The following TULP4 variants were observed in gnomAD, a reference collection of about 807,000 sequenced individuals.
TULP4 encodes TUB like protein 4, also known as tubby-related protein 4.
In TULP4, 16 loss-of-function variants were observed where a neutral mutation model predicts 129.0. The observed-to-expected ratio is 0.12, with a 90% CI of 0.08 to 0.19. TULP4 has a LOEUF of 0.19. TULP4 is among the 10% of genes least tolerant of loss of function. TULP4 has a pLI of 1.00. For synonymous variants in TULP4, 998 were observed against 854.0 expected, an observed-to-expected ratio of 1.17 and a Z score of -2.94; for missense variants, 1,842 against 2,059.1, an observed-to-expected ratio of 0.89 and a Z score of 2.04.
chr6:158,313,508 G>C lies in TULP4; in HGVS notation c.-509G>C. Reference sequence around the variant, plus strand: ...GAAGGAAGATGATCCTGTGTATTCTGTCTCTGCATCCGAACTTTTGAAGAG... The same window carrying C: ...GAAGGAAGATGATCCTGTGTATTCTCTCTCTGCATCCGAACTTTTGAAGAG... On this transcript the variant is annotated 5_prime_UTR_variant, in exon 1 of 14. Transcript: ENST00000367097. 2.5e-6 allele frequency: 1 copy of C among 402,798 alleles called. No individual in the cohort carries two copies. The highest frequency in any genetic ancestry group is 4.4e-6 in the Non-Finnish European group (1 of 228,752). The allele number at this position is 402,798 out of a possible 1,614,324, so 25.0% of individuals were successfully genotyped here. A position where few individuals can be genotyped will look rare whatever the true frequency, so the allele number is the denominator to read the frequency against.
At position 158,413,286 on chromosome 6, in the gene TULP4, C is replaced by A; in HGVS notation, c.381+93C>A. ...GAGCCAGTGCGTTAGCACCACACAG[C>A]GCCACGTGCTCCAGAGCTGGGGGAA... On this transcript the variant is annotated intron_variant, in intron 2 of 13. Coordinates refer to ENST00000367097, the MANE Select transcript of TULP4 (RefSeq NM_020245.5). This position sits in a 1 kb window ranked among gnomAD's most constrained non-coding sequence, Gnocchi z 4.9. 2 of 1,385,338 alleles carry A rather than the reference C, an allele frequency of 1.4e-6. No individual in the cohort carries two copies. 85.8% of individuals were successfully genotyped at this position (1,385,338 alleles called of 1,614,324 possible).
In TULP4 at chr6:158,503,798, A is replaced by G. The variant is rs372715193; in HGVS notation, c.4135A>G (p.Arg1379Gly). 1.5e-5 allele frequency: 25 copies of G among 1,614,100 alleles called. No individual in the cohort carries two copies. Among genetic ancestry groups the G allele is most frequent in the East Asian group, 2.2e-5 (1 of 44,890 alleles). Residue 1379 changes from arginine to glycine, a missense_variant, in exon 13 of 14, where the codon AGA becomes GGA. Coordinates refer to ENST00000367097, the MANE Select transcript of TULP4 (RefSeq NM_020245.5). This position sits in a 1 kb window ranked among gnomAD's most constrained non-coding sequence, Gnocchi z 4.3. ...CCTAATCTCCAGCCCACACCTGGGG[A>G]GAGAGAAGAAGAAAGTGAAGAGTCA... ...NSLISSPHLG[R>G]EKKKVKSQKD...
chr6:158,415,086 C>T (rs1208040376), intron 2 of TULP4, among the ~76,000 whole-genome samples: 3 of 152,178 alleles, frequency 2.0e-5, no homozygotes, highest in East Asian at 3.9e-4. Context: ...TGCATAATGA[C>T]GTTTCAGTTA....
intron 3 of TULP4, among the ~76,000 whole-genome samples, chr6:158,448,271 C>T (rs1469342130): frequency 6.6e-6 from 1 of 152,194 alleles, no homozygotes; most frequent in Non-Finnish European, 1.5e-5. Flanking sequence ...GCCCTCAGCA[C>T]ACTGTGGTAG....
At chr6:158,292,415 C>T (rs1432353469) in intron 1 of TULP4, among the ~76,000 whole-genome samples, 1 of 152,126 alleles carries the variant, frequency 6.6e-6, no homozygotes, top group Non-Finnish European at 1.5e-5. Flanking sequence ...CCCTGGCTTT[C>T]CCTTATGTTT....
At chr6:158,484,755 A>T (rs1780027275) in intron 8 of TULP4, among the ~76,000 whole-genome samples, 1 of 152,244 alleles carries the variant, frequency 6.6e-6, no homozygotes. Flanking sequence ...TTGTCACCCT[A>T]ACCTTGAGAC....
chr6:158,412,331 C>G (rs1389443230), intron 1 of TULP4, among the ~76,000 whole-genome samples: 1 of 152,214 alleles, frequency 6.6e-6, no homozygotes, highest in Non-Finnish European at 1.5e-5. Context: ...CCATAACCCT[C>G]AGTCCCTCGC....
chr6:158,458,380 A>G (rs1779341856), intron 5 of TULP4, among the ~76,000 whole-genome samples: 1 of 152,076 alleles, frequency 6.6e-6, no homozygotes, highest in Non-Finnish European at 1.5e-5. Context: ...ACACCCCCCA[A>G]AATCATTGAG....
chr6:158,425,317 C>T lies in TULP4; in HGVS notation c.382-4419C>T, dbSNP rs190482303. 3.1e-4 allele frequency among the ~76,000 whole-genome samples: 47 copies of T among 151,790 alleles called. No homozygotes were observed. In the East Asian group the frequency reaches 7.4e-3, roughly 24 times the overall value. On this transcript the variant is annotated intron_variant, in intron 2 of 13. Transcript: ENST00000367097. ...TCACCTGAGGTCGGGAGTTCGAGATCAGCCTGACCAACGTGGTGAAACCTC... is the reference window on the plus strand; with the variant it reads ...TCACCTGAGGTCGGGAGTTCGAGATTAGCCTGACCAACGTGGTGAAACCTC...
chr6:158,392,759 C>T (rs1777612357), intron 1 of TULP4, among the ~76,000 whole-genome samples: 1 of 145,406 alleles, frequency 6.9e-6, no homozygotes, highest in Non-Finnish European at 1.5e-5. Context: ...CACCTTCCTA[C>T]ACTGCCACTG....
chr6:158,259,308 T>A (rs910380475), intron 1 of TULP4, among the ~76,000 whole-genome samples: 1 of 152,240 alleles, frequency 6.6e-6, no homozygotes, highest in Non-Finnish European at 1.5e-5. Context: ...CCTCCCTTGC[T>A]GTCATTGTAT....
At chr6:158,385,890 G>A (rs1399252999) in intron 1 of TULP4, among the ~76,000 whole-genome samples, 1 of 117,082 alleles carries the variant, frequency 8.5e-6, no homozygotes, top group Non-Finnish European at 1.7e-5. Flanking sequence ...TGTCACCCAG[G>A]CTGGAGCACA....
intron 1 of TULP4, among the ~76,000 whole-genome samples, chr6:158,353,593 C>T (rs930071360): frequency 6.6e-6 from 1 of 152,172 alleles, no homozygotes; most frequent in African/African-American, 2.4e-5. Context: ...CCTGAAAATA[C>T]CTTTTCTATT....
At chr6:158,480,976 G>A in intron 7 of TULP4, 79 bp from the exon 8 acceptor site, 1 of 1,322,458 alleles carries the variant, frequency 7.6e-7, no homozygotes, top group Non-Finnish European at 1.0e-6. Context: ...TAGTTGACCT[G>A]CCCCCGTGCC....
intron 1 of TULP4, among the ~76,000 whole-genome samples, chr6:158,319,944 C>T (rs957305380): frequency 6.6e-6 from 1 of 152,084 alleles, no homozygotes; most frequent in Non-Finnish European, 1.5e-5. Flanking sequence ...AATATATGCC[C>T]CCCTCAATCC....
chr6:158,442,036 T>A (rs1778909072), intron 3 of TULP4, among the ~76,000 whole-genome samples: 1 of 152,214 alleles, frequency 6.6e-6, no homozygotes, highest in Non-Finnish European at 1.5e-5. Flanking sequence ...GAATACTGCC[T>A]ATGCCTCCCT....
intron 1 of TULP4, among the ~76,000 whole-genome samples, chr6:158,295,930 A>G (rs1046499972): frequency 2.6e-5 from 4 of 152,088 alleles, no homozygotes; most frequent in African/African-American, 9.7e-5. Flanking sequence ...CAAGCAACAC[A>G]CCTTTGTGTG....
At chr6:158,288,372 A>G (rs1249654404) in intron 1 of TULP4, among the ~76,000 whole-genome samples, 1 of 152,104 alleles carries the variant, frequency 6.6e-6, no homozygotes, top group Non-Finnish European at 1.5e-5. Flanking sequence ...TGGGATTTCT[A>G]GCACAGCATG....
intron 1 of TULP4, among the ~76,000 whole-genome samples, chr6:158,408,554 C>A (rs553444853): frequency 1.3e-5 from 2 of 152,200 alleles, no homozygotes; most frequent in South Asian, 4.1e-4. Flanking sequence ...CTCACAACTC[C>A]GTGAGGGGTG....
Sources: allele counts gnomAD v4.1 joint callset (sites outside exome capture counted in the v4.1 genomes callset), GRCh38; gene constraint gnomAD v4.1.1; non-coding constraint Gnocchi (gnomAD v3.1); transcripts MANE v1.5; gene names NCBI Gene and HGNC (gene_info 2026-07-23, HGNC 2026-07-21).